DRC7: variants seen among roughly 807,000 people sequenced by gnomAD.
DRC7 encodes the protein dynein regulatory complex subunit 7.
DRC7 carries 80 observed loss-of-function variants against 104.4 expected under a neutral mutation model. The ratio of observed to expected loss-of-function variants is 0.77; its 90% confidence interval spans 0.64 to 0.92. DRC7 has a LOEUF of 0.92. Ranked by LOEUF, DRC7 falls within the 40% of genes least tolerant of loss-of-function variation. DRC7 has a pLI of 0.00. For missense variants in DRC7, 1,034 were observed against 1,141.1 expected (o/e 0.91, Z 1.35); for synonymous variants, 405 against 447.3 (o/e 0.91, Z 1.19).
chr16:57,731,093 G>A, intron 18 of DRC7, 23 bp downstream of exon 18: 18 of 1,613,726 alleles, frequency 1.1e-5, no homozygotes, highest in East Asian at 2.2e-5. Context: ...GGCAGGTGGA[G>A]AGAACCCACT....
intron 8 of DRC7, among the ~76,000 whole-genome samples, chr16:57,709,157 T>A (rs1394466720): frequency 6.6e-6 from 1 of 152,042 alleles, no homozygotes; most frequent in Non-Finnish European, 1.5e-5. Flanking sequence ...CAATTGCTTT[T>A]TGCAAACTGT....
intron 12 of DRC7, among the ~76,000 whole-genome samples, chr16:57,724,116 C>T (rs1426744034): frequency 1.3e-5 from 2 of 151,976 alleles, no homozygotes; most frequent in African/African-American, 4.8e-5. Flanking sequence ...TTGAGACCAG[C>T]CTGGCCAACA....
At position 57,700,516 on chromosome 16, in the gene DRC7, A is replaced by G. The variant is rs147479058; in HGVS notation, c.504+246A>G. ...ACAAAAATTAGCAGGGCGTGGTGGC[A>G]CATGCCTGTAATCCTAGCTACTGGG... On this transcript the variant is annotated intron_variant, in intron 5 of 18. Transcript: ENST00000360716. 3.1e-3 allele frequency among the ~76,000 whole-genome samples: 473 copies of G among 152,174 alleles called. 14 individuals carry two copies. The East Asian group carries it at 0.052, about 17-fold the overall frequency.
intron 2 of DRC7, among the ~76,000 whole-genome samples, chr16:57,696,886 C>T (rs1313914801): frequency 3.9e-5 from 6 of 152,120 alleles, no homozygotes; most frequent in Non-Finnish European, 7.4e-5. Context: ...ATCACCTTAC[C>T]GTTAGGATTT....
In DRC7 at chr16:57,696,573, G is replaced by A. The variant is rs1342220843; in HGVS notation, c.-59G>A. The A allele has an allele frequency of 1.3e-5, 2 of 152,316 alleles. No individual in the cohort carries two copies. The highest frequency in any genetic ancestry group is 4.8e-5 in the African/African-American group (2 of 41,462). 9.4% of individuals were successfully genotyped at this position (152,316 alleles called of 1,614,324 possible). On this transcript the variant is annotated 5_prime_UTR_variant, in exon 2 of 19. Transcript: ENST00000360716. Reference sequence around the variant, plus strand: ...CACACAACTGGGGTTCTGCCGTATAGAAGAGGAGACTGGATCTTTGGGTAG... The same window carrying A: ...CACACAACTGGGGTTCTGCCGTATAAAAGAGGAGACTGGATCTTTGGGTAG...
At position 57,699,140 on chromosome 16, in the gene DRC7, G is replaced by A. The variant is rs534031596; in HGVS notation, c.378+116G>A. 14 of 1,260,936 alleles carry A rather than the reference G, an allele frequency of 1.1e-5. No homozygotes were observed. In the East Asian group the frequency reaches 1.2e-4, roughly 11 times the overall value. The allele number at this position is 1,260,936 out of a possible 1,614,324, so 78.1% of individuals were successfully genotyped here. A position where few individuals can be genotyped will look rare whatever the true frequency, so the allele number is the denominator to read the frequency against. On this transcript the variant is annotated intron_variant, in intron 4 of 18. Transcript: ENST00000360716. ...GGGCCAAATCACGGACCTCCTGTGGGCCAGAGCGCTTCTAGTCTGGGGGCA... is the reference window on the plus strand; with the variant it reads ...GGGCCAAATCACGGACCTCCTGTGGACCAGAGCGCTTCTAGTCTGGGGGCA...
intron 12 of DRC7, among the ~76,000 whole-genome samples, chr16:57,724,080 TG>T (rs1490099511): frequency 1.2e-4 from 18 of 152,130 alleles, no homozygotes; most frequent in African/African-American, 4.3e-4. Flanking sequence ...CACAGCACTT[TG>T]GGTGGATCAC....
chr16:57,719,432 T>A (rs533356001), intron 9 of DRC7, among the ~76,000 whole-genome samples: 1 of 152,320 alleles, frequency 6.6e-6, no homozygotes, highest in South Asian at 2.1e-4. Flanking sequence ...TAGATGGCTG[T>A]CTTCTCCCTG....
At position 57,726,729 on chromosome 16, in the gene DRC7, A is replaced by C. The variant is rs1387032010; in HGVS notation, c.1975-103A>C. On this transcript the variant is annotated intron_variant, in intron 14 of 18. Transcript: ENST00000360716. The stretch of plus-strand genomic sequence containing the variant: ...TCAGAGAGGTTTAGCAACTTGCTCG[A>C]GGTCACACAGCTGGAAAGTGGCAGG... 4 of 667,276 alleles carry C rather than the reference A, an allele frequency of 6.0e-6. No individual in the cohort carries two copies. The East Asian group carries it at 1.1e-4, about 18-fold the overall frequency. The allele number at this position is 667,276 out of a possible 1,614,324, so 41.3% of individuals were successfully genotyped here. A position where few individuals can be genotyped will look rare whatever the true frequency, so the allele number is the denominator to read the frequency against.
chr16:57,718,939 T>C (rs1247006054), intron 9 of DRC7, among the ~76,000 whole-genome samples: 3 of 152,012 alleles, frequency 2.0e-5, no homozygotes, highest in African/African-American at 7.2e-5. Flanking sequence ...CAGTGAGCCA[T>C]GTTCATGCCA....
intron 8 of DRC7, chr16:57,707,931 A>G (rs2048750889): frequency 1.9e-6 from 1 of 539,596 alleles, no homozygotes; most frequent in Non-Finnish European, 3.4e-6. Context: ...TAAAAACTCT[A>G]TATTGAAGTG....
chr16:57,730,979 G>T lies in DRC7; in HGVS notation c.2440G>T (p.Val814Leu). The T allele has an allele frequency of 6.2e-7, 1 of 1,613,606 alleles. No homozygotes were observed. The highest frequency in any genetic ancestry group is 8.5e-7 in the Non-Finnish European group (1 of 1,179,962). Residue 814 changes from valine (V) to leucine (L), a missense_variant, in exon 18 of 19, where the codon GTG becomes TTG. By Grantham distance (32) the Val-to-Leu change is conservative. Coordinates refer to ENST00000360716, the MANE Select transcript of DRC7 (RefSeq NM_001289162.2). The stretch of plus-strand genomic sequence containing the variant: ...GCAGCAGTGGTACCAGGAGAACCAG[G>T]TGACGCTGACACCCGAGGATGAAGA... Reference protein sequence around the residue: ...KKQQWYQENQVTLTPEDEDLY... With the variant: ...KKQQWYQENQLTLTPEDEDLY...
chr16:57,707,464 C>A lies in DRC7; in HGVS notation c.863C>A (p.Ala288Glu). The A allele has an allele frequency of 1.2e-6, 2 of 1,610,510 alleles. No homozygotes were observed. Among genetic ancestry groups the A allele is most frequent in the Non-Finnish European group, 1.7e-6 (2 of 1,178,230 alleles). The change falls in exon 8 of 19, where the codon GCG becomes GAG. Residue 288 changes from alanine (A) to glutamate (E), a missense_variant. Coordinates refer to ENST00000360716, the MANE Select transcript of DRC7 (RefSeq NM_001289162.2). ...TCACCCACCTTTCCTTGGCAGGAAG[C>A]GGAGAAGGCAAAGCCGGATGCCCTG... ...LREEEERLME[A>E]EKAKPDALHG...
In DRC7 at chr16:57,724,636, A is replaced by C. The variant is rs1310856231; in HGVS notation, c.1559A>C (p.Gln520Pro). 6.2e-7 allele frequency: 1 copy of C among 1,612,796 alleles called. No individual in the cohort carries two copies. Among genetic ancestry groups the C allele is most frequent in the Non-Finnish European group, 8.5e-7 (1 of 1,179,068 alleles). ...ALRVHSYKSM[Q>P]PEMDRVIEFY... ...CCAGTGCACTCGTACAAGTCCATGC[A>C]ACCTGAGATGGACCGTGTCATTGAG... The change falls in exon 13 of 19, where the codon CAA becomes CCA. Residue 520 changes from glutamine to proline, a missense_variant. Gln to Pro is a moderately conservative substitution (Grantham distance 76). Coordinates refer to ENST00000360716, the MANE Select transcript of DRC7 (RefSeq NM_001289162.2).
chr16:57,698,428 T>C (rs2048620861), intron 3 of DRC7, among the ~76,000 whole-genome samples: 2 of 152,138 alleles, frequency 1.3e-5, no homozygotes, highest in African/African-American at 4.8e-5. Context: ...GTCTCACATC[T>C]GTAGTCCCAG....
Position 57,724,721 on chromosome 16 carries a change from G to T in DRC7, c.1644G>T (p.Met548Ile). 1.2e-6 allele frequency: 2 copies of T among 1,613,934 alleles called. No homozygotes were observed. The highest frequency in any genetic ancestry group is 2.2e-5 in the South Asian group (2 of 91,072). The change falls in exon 13 of 19, where the codon ATG (methionine) becomes ATT (isoleucine). Residue 548 changes from methionine (M) to isoleucine (I), a missense_variant. Coordinates refer to ENST00000360716, the MANE Select transcript of DRC7 (RefSeq NM_001289162.2). ...LMKREETPRT[M>I]TEYYQGRPDF... ...AGCGGGAGGAGACACCCAGGACAATGACAGAGTACTATCAAGGACGCCCAG... is the reference window on the plus strand; with the variant it reads ...AGCGGGAGGAGACACCCAGGACAATTACAGAGTACTATCAAGGACGCCCAG...
chr16:57,722,394 G>GGGGAGGAT (rs2048913161), intron 10 of DRC7, among the ~76,000 whole-genome samples: 1 of 152,116 alleles, frequency 6.6e-6, no homozygotes, highest in Non-Finnish European at 1.5e-5. Flanking sequence ...AAGGGGAGGA[G>GGGGAGGAT]GGGATGACGG....
intron 8 of DRC7, among the ~76,000 whole-genome samples, chr16:57,709,892 A>G (rs545343912): frequency 2.0e-5 from 3 of 152,194 alleles, no homozygotes; most frequent in Non-Finnish European, 4.4e-5. Context: ...CCTCCCGAGT[A>G]GCTGGGACTA....
chr16:57,696,430 C>T (rs531656464), intron 1 of DRC7, 34 bp from the exon 2 acceptor site: 30 of 152,360 alleles, frequency 2.0e-4, no homozygotes, highest in African/African-American at 7.2e-4. Flanking sequence ...GCAGAGGGCT[C>T]CCCAATCACT....
Sources: gnomAD v4.1 joint callset for allele counts (sites outside exome capture counted in the v4.1 genomes callset) on GRCh38, gnomAD v4.1.1 for gene constraint, MANE v1.5 for transcripts, NCBI Gene and HGNC (gene_info 2026-07-23, HGNC 2026-07-21) for gene names.